Variants in TOP2B observed in about 807,000 individuals in gnomAD.
TOP2B encodes DNA topoisomerase 2-beta.
In TOP2B, 51 loss-of-function variants were observed where a neutral mutation model predicts 193.5. The observed-to-expected ratio is 0.26, with a 90% CI of 0.21 to 0.33. The LOEUF is 0.33. TOP2B is among the 10% of genes least tolerant of loss of function. The pLI is 1.00. For missense variants in TOP2B, 1,378 were observed against 1,909.3 expected (o/e 0.72, Z 5.19); for synonymous variants, 634 against 635.7 (o/e 1.00, Z 0.04).
rs182303911 is a variant in TOP2B at position 25,630,230 on chromosome 3, C to T, written c.1564-76G>A. ...GAGTCAGAAATTACATTTAAAAATTCGAGAAGTTTAGTAAAGTATTAGAAA... is the reference window on the plus strand; with the variant it reads ...GAGTCAGAAATTACATTTAAAAATTTGAGAAGTTTAGTAAAGTATTAGAAA... On this transcript the variant is annotated intron_variant, in intron 12 of 35. Coordinates refer to ENST00000264331, the MANE Select transcript of TOP2B (RefSeq NM_001330700.2). 2.0e-5 allele frequency: 31 copies of T among 1,516,988 alleles called. No individual in the cohort carries two copies. The East Asian group carries it at 5.4e-4, about 26-fold the overall frequency. 94.0% of individuals were successfully genotyped at this position (1,516,988 alleles called of 1,614,324 possible). A position where few individuals can be genotyped will look rare whatever the true frequency, so the allele number is the denominator to read the frequency against.
chr3:25,617,340 A>G (rs531291633), intron 25 of TOP2B, among the ~76,000 whole-genome samples: 1 of 152,330 alleles, frequency 6.6e-6, no homozygotes, highest in Non-Finnish European at 1.5e-5. Context: ...AAGGGCTTCA[A>G]TCATCTTAAC....
In TOP2B at chr3:25,620,109, T is replaced by C. The variant is rs1421741320; in HGVS notation, c.2863-47A>G. Reference sequence around the variant, plus strand: ...TGATTCTTTTCATGACACACTCTCATGTTCTCATACTACAAGTCATACAGT... The same window carrying C: ...TGATTCTTTTCATGACACACTCTCACGTTCTCATACTACAAGTCATACAGT... On this transcript the variant is annotated intron_variant, in intron 22 of 35. Transcript: ENST00000264331. 29 of 1,215,154 alleles carry C rather than the reference T, an allele frequency of 2.4e-5. 1 individual carries two copies. The South Asian group carries it at 3.8e-4, about 16-fold the overall frequency. 75.3% of individuals were successfully genotyped at this position (1,215,154 alleles called of 1,614,324 possible).
In TOP2B at chr3:25,664,887, C is replaced by A; in HGVS notation, c.-590G>T. 2 of 991,764 alleles carry A rather than the reference C, an allele frequency of 2.0e-6. No homozygotes were observed. The highest frequency in any genetic ancestry group is 2.4e-6 in the Non-Finnish European group (2 of 833,378). 61.4% of individuals were successfully genotyped at this position (991,764 alleles called of 1,614,324 possible). ...GCCGCCACGGTCACCTCCCTCTTGT[C>A]CGGCATAACACCGCACACACACATT... On this transcript the variant is annotated 5_prime_UTR_variant, in exon 1 of 36. Transcript: ENST00000264331.
chr3:25,607,695 C>T (rs914367985), intron 30 of TOP2B, among the ~76,000 whole-genome samples: 1 of 152,234 alleles, frequency 6.6e-6, no homozygotes, highest in African/African-American at 2.4e-5. Context: ...TTGTCTCATA[C>T]AGCCATTATA....
chr3:25,604,768 G>C lies in TOP2B; in HGVS notation c.4481C>G (p.Ala1494Gly), dbSNP rs747263680. 1 of 1,610,182 alleles carries C rather than the reference G, an allele frequency of 6.2e-7. No homozygotes were observed. The highest frequency in any genetic ancestry group is 1.3e-5 in the African/African-American group (1 of 74,840). The change falls in exon 33 of 36, where the codon GCT becomes GGT. Residue 1494 changes from alanine (A) to glycine (G), a missense_variant. Physicochemically the swap from Ala to Gly is moderately conservative, Grantham distance 60. This residue lies in a region of TOP2B where 556 missense variants were observed against 584.2 expected (regional missense o/e 0.95). Coordinates refer to ENST00000264331, the MANE Select transcript of TOP2B (RefSeq NM_001330700.2). The stretch of plus-strand genomic sequence containing the variant: ...CAAATATAAGTACATACCCTTTTTA[G>C]CAGCTACCGTTTTACTTGGAACTTT... ...TDKVPSKTVA[A>G]KKGKPSSDTV...
chr3:25,602,411 A>AAG (rs1471340829), intron 33 of TOP2B, among the ~76,000 whole-genome samples: 2 of 112,782 alleles, frequency 1.8e-5, no homozygotes, highest in Non-Finnish European at 3.3e-5. Flanking sequence ...AAAAAAAAAG[A>AAG]AAAAGAAAAA....
At chr3:25,645,013 T>C (rs1703375652) in intron 2 of TOP2B, among the ~76,000 whole-genome samples, 1 of 151,668 alleles carries the variant, frequency 6.6e-6, no homozygotes, top group South Asian at 2.1e-4. Flanking sequence ...AGTTTCACCA[T>C]GTTAGCCAGG....
In TOP2B at chr3:25,634,799, C is replaced by CAAAA. The variant is rs1224120357; in HGVS notation, c.853-789_853-786dup. ...TTACCAAAAAAAAAAAAAAAAAAAC[C>CAAAA]AAAAAAAGGCTTATTCTGCAGGGCA... On this transcript the variant is annotated intron_variant, in intron 7 of 35. Transcript: ENST00000264331. 2.5e-3 allele frequency among the ~76,000 whole-genome samples: 241 copies of CAAAA among 96,378 alleles called. 11 individuals carry two copies. The highest frequency in any genetic ancestry group is 6.4e-3 in the Middle Eastern group (1 of 156). 63.2% of individuals were successfully genotyped at this position (96,378 alleles called of 152,430 possible). A position where few individuals can be genotyped will look rare whatever the true frequency, so the allele number is the denominator to read the frequency against.
At chr3:25,621,978 G>A (rs1702668837) in intron 21 of TOP2B, among the ~76,000 whole-genome samples, 2 of 150,868 alleles carry the variant, frequency 1.3e-5, no homozygotes, top group South Asian at 4.2e-4. Flanking sequence ...GACAGAGTGA[G>A]ACTCTGTCTC....
chr3:25,612,098 C>T (rs893887345), intron 28 of TOP2B, among the ~76,000 whole-genome samples: 8 of 151,952 alleles, frequency 5.3e-5, no homozygotes, highest in South Asian at 2.1e-4. Context: ...CCCACCACCA[C>T]GCCCAGCTAA....
intron 28 of TOP2B, among the ~76,000 whole-genome samples, chr3:25,610,602 G>A (rs1169162052): frequency 6.6e-6 from 1 of 152,286 alleles, no homozygotes; most frequent in East Asian, 1.9e-4. Context: ...GGAAAAGTGA[G>A]AACAAAGTAG....
At chr3:25,649,476 G>A (rs1479188536) in intron 1 of TOP2B, among the ~76,000 whole-genome samples, 2 of 151,802 alleles carry the variant, frequency 1.3e-5, no homozygotes, top group Non-Finnish European at 2.9e-5. Context: ...TAGACAAAGA[G>A]AGAATCTTAA....
intron 22 of TOP2B, 149 bp from the exon 23 acceptor site, chr3:25,620,211 A>T: frequency 3.3e-6 from 2 of 609,730 alleles, no homozygotes; most frequent in Non-Finnish European, 5.7e-6. Flanking sequence ...ATCAGTATAG[A>T]AGGCAATACA....
At chr3:25,637,183 TAA>T in intron 6 of TOP2B, 30 bp downstream of exon 6, 1 of 1,485,908 alleles carries the variant, frequency 6.7e-7, no homozygotes, top group Non-Finnish European at 9.2e-7. Context: ...AACGTTATTT[TAA>T]AAAAAGAAAT....
intron 7 of TOP2B, 145 bp from the exon 8 acceptor site, chr3:25,634,159 A>C: frequency 1.7e-6 from 1 of 587,700 alleles, no homozygotes; most frequent in South Asian, 2.7e-5. Context: ...CATTTCCCAG[A>C]TCTATTCCTT....
chr3:25,599,349 A>C (rs1018588606), intron 35 of TOP2B, 86 bp downstream of exon 35: 3 of 1,256,470 alleles, frequency 2.4e-6, no homozygotes, highest in Non-Finnish European at 3.3e-6. Context: ...AAGCTGTTCC[A>C]GGACTATAGT....
At chr3:25,613,303 G>GA (rs1359623336) in intron 27 of TOP2B, among the ~76,000 whole-genome samples, 1 of 151,982 alleles carries the variant, frequency 6.6e-6, no homozygotes, top group Non-Finnish European at 1.5e-5. Context: ...AAGGCACAAG[G>GA]AAAAAATGAC....
intron 15 of TOP2B, among the ~76,000 whole-genome samples, chr3:25,627,622 T>C (rs1702839894): frequency 2.6e-5 from 4 of 151,994 alleles, no homozygotes. Context: ...ATTAACAAAA[T>C]CCAGAATGTG....
chr3:25,615,624 T>TC, intron 25 of TOP2B, 38 bp from the exon 26 acceptor site: 1 of 1,376,768 alleles, frequency 7.3e-7, no homozygotes, highest in Non-Finnish European at 9.5e-7. Flanking sequence ...AAGTCTTGTA[T>TC]AGTATCAAAT....
Sources: allele counts gnomAD v4.1 joint callset (sites outside exome capture counted in the v4.1 genomes callset), GRCh38; gene constraint gnomAD v4.1.1; regional missense constraint gnomAD v4.1.1; transcripts MANE v1.5; gene names NCBI Gene and HGNC (gene_info 2026-07-23, HGNC 2026-07-21).